The following NEB variants were observed in gnomAD, a reference collection of about 807,000 sequenced individuals.
The protein encoded by NEB is nebulin.
A neutral mutation model predicts 952.2 loss-of-function variants in NEB; 512 were observed. The observed-to-expected ratio is 0.54, with a 90% CI of 0.50 to 0.58. The LOEUF is 0.58. NEB is among the 20% of genes least tolerant of loss of function. The pLI, the probability that NEB is intolerant of heterozygous loss-of-function variation, is 0.00. For synonymous variants in NEB, 2,900 were observed against 3,149.8 expected (o/e 0.92, Z 2.66); for missense variants, 8,428 against 9,231.1 (o/e 0.91, Z 3.56).
rs372540293 is a variant in NEB at position 151,496,309 on chromosome 2, C to T, written c.24453G>A (p.Glu8151=). 73 of 1,612,188 alleles carry T rather than the reference C, an allele frequency of 4.5e-5. No individual in the cohort carries two copies. In the African/African-American group the frequency reaches 6.0e-4, roughly 13 times the overall value. The change falls in exon 173 of 182, where the codon GAG becomes GAA. Residue 8151 remains glutamate (E), a synonymous_variant. Coordinates refer to ENST00000397345, the MANE Select transcript of NEB (RefSeq NM_001164508.2). ...GTPLAVTPEM[E]RVKHNQENIS... is the part of the protein sequence containing the mutation. ...TATTTTCTTGATTGTGTTTGACTCG[C>T]TCCATCTCGGGAGTGACAGCTAAAG... is the stretch of plus-strand genomic sequence containing the variant.
At chr2:151,510,522 T>A (rs1286517174) in intron 161 of NEB, among the ~76,000 whole-genome samples, 1 of 152,240 alleles carries the variant, frequency 6.6e-6, no homozygotes, top group Non-Finnish European at 1.5e-5. Flanking sequence ...CTTTCCACGG[T>A]TTCAGTTAAC....
Position 151,709,716 on chromosome 2 carries a change from G to A in NEB, c.975C>T (p.Phe325=). The A allele has an allele frequency of 6.2e-7, 1 of 1,606,514 alleles. No homozygotes were observed. The highest frequency in any genetic ancestry group is 8.5e-7 in the Non-Finnish European group (1 of 1,175,932). The change falls in exon 12 of 182, where the codon TTC becomes TTT. Residue 325 remains phenylalanine, a synonymous_variant. Transcript: ENST00000397345. ...TATACTCTGGTGTTTCGGTCTGCAT[G>A]AAGTAGATCTGGTCTTTCATGTTTT... ...DFENMKDQIY[F]MQTETPEYKM...
intron 156 of NEB, among the ~76,000 whole-genome samples, chr2:151,516,873 G>A (rs2078002744): frequency 6.6e-6 from 1 of 152,148 alleles, no homozygotes; most frequent in African/African-American, 2.4e-5. Context: ...AAATTACCCA[G>A]GTAGATGAGG....
chr2:151,654,458 A>G (rs1343612543), intron 51 of NEB, among the ~76,000 whole-genome samples: 1 of 152,232 alleles, frequency 6.6e-6, no homozygotes, highest in Non-Finnish European at 1.5e-5. Context: ...AATTGCTAAT[A>G]AAAAGAAAAA....
intron 46 of NEB, among the ~76,000 whole-genome samples, chr2:151,660,487 C>T (rs995372765): frequency 7.2e-5 from 11 of 152,118 alleles, no homozygotes; most frequent in Admixed American, 7.2e-4. Context: ...AACAGAAACT[C>T]CCTTACAGAT....
In NEB at chr2:151,493,780, TA is replaced by T. The variant is rs794727136; in HGVS notation, c.24666del (p.Phe8222LeufsTer10). 2.0e-5 allele frequency: 31 copies of T among 1,569,790 alleles called. No homozygotes were observed. Among genetic ancestry groups the T allele is most frequent in the Non-Finnish European group, 2.4e-5 (28 of 1,153,042 alleles). On this transcript the variant is annotated frameshift_variant, in exon 175 of 182. Coordinates refer to ENST00000397345, the MANE Select transcript of NEB (RefSeq NM_001164508.2). LOFTEE classifies it high-confidence loss of function. ...ATTTTTCCTTTCTAAAATACCGAGC[TA>T]AAGTTTTCTTGATTGCGTTTCACTC... is the stretch of plus-strand genomic sequence containing the variant. Reference protein sequence around the residue: ...MERVKRNQENFSSVLYKENMR... With the variant: ...MERVKRNQENXSSVLYKENMR...
At chr2:151,686,883 G>A (rs1279441200) in intron 27 of NEB, among the ~76,000 whole-genome samples, 1 of 152,020 alleles carries the variant, frequency 6.6e-6, no homozygotes, top group African/African-American at 2.4e-5. Flanking sequence ...CAAAATTCAG[G>A]CAAAAGGCAT....
At chr2:151,563,578 T>G in intron 119 of NEB, 28 bp downstream of exon 119, 1 of 1,577,766 alleles carries the variant, frequency 6.3e-7, no homozygotes, top group Non-Finnish European at 8.7e-7. Flanking sequence ...GGGGCACAAA[T>G]CCCGTGTTAA....
At chr2:151,638,793 A>G (rs1301502453) in intron 63 of NEB, among the ~76,000 whole-genome samples, 1 of 115,582 alleles carries the variant, frequency 8.7e-6, no homozygotes, top group Admixed American at 1.0e-4. Context: ...ACACTGACAG[A>G]TATTTCTCTC....
chr2:151,723,746 C>CTTTT (rs1336447502), intron 8 of NEB, among the ~76,000 whole-genome samples: 13 of 55,824 alleles, frequency 2.3e-4, no homozygotes, highest in East Asian at 1.4e-3. Context: ...TACCTGCCTT[C>CTTTT]TTTGTTTTTT....
At chr2:151,498,090 A>T (rs1452311816) in intron 170 of NEB, 170 bp downstream of exon 170, 1 of 1,472,268 alleles carries the variant, frequency 6.8e-7, no homozygotes, top group Non-Finnish European at 9.0e-7. Context: ...CAGATGAAGT[A>T]AAAAATTGAC....
intron 55 of NEB, 104 bp downstream of exon 55, chr2:151,646,026 A>T: frequency 1.2e-6 from 1 of 811,750 alleles, no homozygotes; most frequent in Non-Finnish European, 1.9e-6. Context: ...GTAGTTAATT[A>T]ATTAAAATAA....
intron 32 of NEB, 52 bp downstream of exon 32, chr2:151,679,666 AAGC>A: frequency 3.2e-6 from 1 of 309,448 alleles, no homozygotes. Context: ...GTCAGACCCC[AAGC>A]CCACCCACCC....
intron 5 of NEB, among the ~76,000 whole-genome samples, chr2:151,725,764 G>A (rs78362366): frequency 0.013 from 1,920 of 152,194 alleles, 47 homozygotes; most frequent in African/African-American, 0.044. Context: ...GGATCTTGGA[G>A]ACAATGCAAA....
intron 156 of NEB, among the ~76,000 whole-genome samples, chr2:151,517,965 C>T (rs929911435): frequency 1.3e-5 from 2 of 152,104 alleles, no homozygotes; most frequent in Non-Finnish European, 2.9e-5. Flanking sequence ...CGTATCACTT[C>T]TCTGTTTGAA....
intron 65 of NEB, among the ~76,000 whole-genome samples, chr2:151,632,470 G>A (rs1449484716): frequency 6.6e-6 from 1 of 152,032 alleles, no homozygotes; most frequent in Non-Finnish European, 1.5e-5. Context: ...GAGGTCAGGA[G>A]TTGGAGACCA....
At chr2:151,639,806 G>A in intron 62 of NEB, 51 bp downstream of exon 62, 5 of 1,437,162 alleles carry the variant, frequency 3.5e-6, no homozygotes, top group South Asian at 1.3e-5. Context: ...TTTCTTTTTT[G>A]TTGATTCAGC....
At chr2:151,645,214 A>G (rs942791829) in intron 55 of NEB, among the ~76,000 whole-genome samples, 4 of 152,210 alleles carry the variant, frequency 2.6e-5, no homozygotes, top group African/African-American at 2.4e-5. Flanking sequence ...CTGTTTTTCA[A>G]TTCACATGGA....
At chr2:151,552,551 C>A in intron 128 of NEB, 121 bp downstream of exon 128, 1 of 649,478 alleles carries the variant, frequency 1.5e-6, no homozygotes, top group Non-Finnish European at 2.7e-6. Context: ...TCAAACGCAC[C>A]AACTCTGGTT....
Sources: allele counts gnomAD v4.1 joint callset (sites outside exome capture counted in the v4.1 genomes callset), GRCh38; gene constraint gnomAD v4.1.1; transcripts MANE v1.5; gene names NCBI Gene and HGNC (gene_info 2026-07-23, HGNC 2026-07-21).